Variants in BRINP3 observed in about 807,000 individuals in gnomAD.
BRINP3 encodes BMP/retinoic acid inducible neural specific 3, also known as BMP/retinoic acid-inducible neural-specific protein 3.
A neutral mutation model predicts 71.0 loss-of-function variants in BRINP3; 19 were observed. That is an observed-to-expected ratio of 0.27 (90% CI 0.19 to 0.39). BRINP3 has a LOEUF of 0.39. Among genes scored for constraint, BRINP3 ranks in the 10% least tolerant of loss-of-function variants. BRINP3 has a pLI of 1.00. For missense variants in BRINP3, 959 were observed against 940.8 expected (o/e 1.02, Z -0.25); for synonymous variants, 380 against 337.7 (o/e 1.13, Z -1.37).
chr1:190,132,034 C>A (rs779312265), intron 7 of BRINP3, among the ~76,000 whole-genome samples: 6 of 151,926 alleles, frequency 3.9e-5, no homozygotes, highest in Non-Finnish European at 8.8e-5. Flanking sequence ...TGAAAGTTTG[C>A]CAATTGTCTG....
intron 2 of BRINP3, among the ~76,000 whole-genome samples, chr1:190,298,325 T>A (rs1664408687): frequency 6.6e-6 from 1 of 152,138 alleles, no homozygotes; most frequent in Non-Finnish European, 1.5e-5. Flanking sequence ...TGTTTCTCTT[T>A]TTTCAACTTC....
At chr1:190,334,353 T>C (rs1218423765) in intron 2 of BRINP3, among the ~76,000 whole-genome samples, 1 of 151,890 alleles carries the variant, frequency 6.6e-6, no homozygotes, top group Non-Finnish European at 1.5e-5. Context: ...CATCATAATG[T>C]GGAATTTTGC....
intron 2 of BRINP3, among the ~76,000 whole-genome samples, chr1:190,347,755 C>T (rs1282805069): frequency 2.0e-5 from 3 of 151,950 alleles, no homozygotes; most frequent in East Asian, 1.9e-4. Context: ...GTCTTGTGTT[C>T]GTGACCCATA....
At chr1:190,240,029 T>C (rs1432723352) in intron 4 of BRINP3, among the ~76,000 whole-genome samples, 1 of 151,640 alleles carries the variant, frequency 6.6e-6, no homozygotes. Context: ...TGTTCTATAA[T>C]TGAAGATATA....
intron 6 of BRINP3, among the ~76,000 whole-genome samples, chr1:190,212,817 T>C (rs1558070662): frequency 1.3e-5 from 2 of 151,984 alleles, no homozygotes; most frequent in Non-Finnish European, 2.9e-5. Context: ...AGTCCAGGAG[T>C]GAAGTCAATG....
At chr1:190,230,063 T>C (rs1017917928) in intron 5 of BRINP3, among the ~76,000 whole-genome samples, 10 of 151,914 alleles carry the variant, frequency 6.6e-5, no homozygotes, top group Admixed American at 3.9e-4. Context: ...AACAGCAGCA[T>C]AGACATTTAA....
chr1:190,105,450 G>T (rs537998550), intron 7 of BRINP3, among the ~76,000 whole-genome samples: 67 of 152,170 alleles, frequency 4.4e-4, no homozygotes, highest in African/African-American at 1.4e-3. Context: ...CATTCATTGA[G>T]CTTTTCTCAT....
intron 2 of BRINP3, among the ~76,000 whole-genome samples, chr1:190,453,141 ATG>A (rs988143750): frequency 4.0e-5 from 6 of 150,242 alleles, no homozygotes. Context: ...ATAAAAATAA[ATG>A]AACCCAGAAT....
chr1:190,367,746 C>A (rs555039293), intron 2 of BRINP3, among the ~76,000 whole-genome samples: 116 of 152,240 alleles, frequency 7.6e-4, no homozygotes, highest in Non-Finnish European at 1.4e-3. Flanking sequence ...AAAATGCCAC[C>A]AGTCTCTTTG....
At chr1:190,315,114 T>G (rs1440032109) in intron 2 of BRINP3, among the ~76,000 whole-genome samples, 1 of 152,060 alleles carries the variant, frequency 6.6e-6, no homozygotes, top group Non-Finnish European at 1.5e-5. Context: ...GAGTTGCCTA[T>G]GAAGAAAGTT....
chr1:190,354,285 G>A (rs761430977), intron 2 of BRINP3, among the ~76,000 whole-genome samples: 2 of 151,922 alleles, frequency 1.3e-5, no homozygotes, highest in Non-Finnish European at 2.9e-5. Context: ...AGCTGAAAAT[G>A]GGGTGCTAGT....
chr1:190,241,357 A>T (rs1322338414), intron 4 of BRINP3, among the ~76,000 whole-genome samples: 1 of 151,992 alleles, frequency 6.6e-6, no homozygotes. Flanking sequence ...TGGGACTTAG[A>T]CCTCCTAACT....
At chr1:190,259,589 T>C (rs900212458) in intron 4 of BRINP3, among the ~76,000 whole-genome samples, 2 of 150,216 alleles carry the variant, frequency 1.3e-5, no homozygotes, top group East Asian at 3.9e-4. Context: ...AGAATTTCCA[T>C]TCTCACCACC....
At chr1:190,337,564 C>T (rs763071770) in intron 2 of BRINP3, among the ~76,000 whole-genome samples, 8 of 152,004 alleles carry the variant, frequency 5.3e-5, no homozygotes, top group East Asian at 3.9e-4. Context: ...TTCCTGCCCT[C>T]GAACATCAGA....
At chr1:190,394,485 T>C (rs1671446477) in intron 2 of BRINP3, among the ~76,000 whole-genome samples, 1 of 151,550 alleles carries the variant, frequency 6.6e-6, no homozygotes, top group African/African-American at 2.4e-5. Context: ...CCTCTAAATT[T>C]GTATTATTTC....
chr1:190,476,781 T>A (rs566393603), intron 1 of BRINP3, among the ~76,000 whole-genome samples: 1 of 152,256 alleles, frequency 6.6e-6, no homozygotes, highest in South Asian at 2.1e-4. Context: ...AAATCAGAAA[T>A]GTACTGACAA....
intron 2 of BRINP3, among the ~76,000 whole-genome samples, chr1:190,383,104 T>C (rs1383568138): frequency 2.0e-5 from 3 of 152,248 alleles, no homozygotes; most frequent in South Asian, 2.1e-4. Context: ...ATATTTTTTT[T>C]CCTCCCTATT....
chr1:190,215,295 T>A (rs1290176387), intron 6 of BRINP3, among the ~76,000 whole-genome samples: 1 of 151,906 alleles, frequency 6.6e-6, no homozygotes, highest in African/African-American at 2.4e-5. Flanking sequence ...CTTTGTGCAT[T>A]ACTAAAACTT....
At chr1:190,212,359 T>C (rs79223636) in intron 6 of BRINP3, among the ~76,000 whole-genome samples, 20,994 of 152,130 alleles carry the variant, frequency 0.14, 1,895 homozygotes, top group South Asian at 0.26. Context: ...TGGTTTATCT[T>C]ATTTTCAGCT....
Sources: allele counts gnomAD v4.1 joint callset (sites outside exome capture counted in the v4.1 genomes callset), GRCh38; gene constraint gnomAD v4.1.1; transcripts MANE v1.5; gene names NCBI Gene and HGNC (gene_info 2026-07-23, HGNC 2026-07-21).